Variants in SPOCK2 observed in about 807,000 individuals in gnomAD.
SPOCK2 encodes the protein SPARC (osteonectin), cwcv and kazal like domains proteoglycan 2.
Under a neutral mutation model 60.1 loss-of-function variants are expected in SPOCK2, and 39 were observed. That is an observed-to-expected ratio of 0.65 (90% confidence interval 0.50 to 0.85). SPOCK2 has a LOEUF of 0.85. Ranked by LOEUF, SPOCK2 falls within the 40% of genes least tolerant of loss-of-function variation. The pLI is 0.00. For missense variants in SPOCK2, 523 were observed against 567.4 expected, an observed-to-expected ratio of 0.92 and a Z score of 0.80; for synonymous variants, 217 against 231.5, an observed-to-expected ratio of 0.94 and a Z score of 0.57.
Position 72,088,389 on chromosome 10 carries a change from C to A in SPOCK2, c.-61G>T. 1 of 1,440,676 alleles carries A rather than the reference C, an allele frequency of 6.9e-7. No homozygotes were observed. The highest frequency in any genetic ancestry group is 1.5e-5 in the South Asian group (1 of 68,922). 89.2% of individuals were successfully genotyped at this position (1,440,676 alleles called of 1,614,324 possible). On this transcript the variant is annotated 5_prime_UTR_variant, in exon 1 of 11. Coordinates refer to ENST00000373109, the MANE Select transcript of SPOCK2 (RefSeq NM_001244950.2). ...CTGCAGTATTTTAATGTCCTTCCTC[C>A]CACCCCGCTGCTGGCGAAGCGCACG...
rs765038257 is a variant in SPOCK2 at position 72,067,066 on chromosome 10, G to T, written c.764C>A (p.Ser255Tyr). Residue 255 changes from serine (S) to tyrosine (Y), a missense_variant, in exon 8 of 11, where the codon TCC becomes TAC. Transcript: ENST00000373109. ...SCKDSIGWMF[S>Y]KLDTSADLFL... is the part of the protein sequence containing the mutation. ...GAGGTCAGCACTGGTGTCCAGCTTG[G>T]AGAACATCCAGCCAATGGAGTCCTT... 4 of 1,614,208 alleles carry T rather than the reference G, an allele frequency of 2.5e-6. No homozygotes were observed. The highest frequency in any genetic ancestry group is 3.4e-6 in the Non-Finnish European group (4 of 1,180,044).
At chr10:72,064,754 G>A (rs1260551991) in intron 8 of SPOCK2, among the ~76,000 whole-genome samples, 4 of 151,748 alleles carry the variant, frequency 2.6e-5, no homozygotes, top group East Asian at 1.9e-4. Flanking sequence ...TTTTTGAGAC[G>A]GAGTCTTGCT....
At chr10:72,086,667 A>T in intron 1 of SPOCK2, 1 of 1,272,324 alleles carries the variant, frequency 7.9e-7, no homozygotes, top group Non-Finnish European at 1.0e-6. Context: ...CTGCGGCTGG[A>T]CAGGTCGCAT....
intron 1 of SPOCK2, among the ~76,000 whole-genome samples, chr10:72,074,624 C>T (rs1240622194): frequency 2.0e-5 from 3 of 152,224 alleles, no homozygotes; most frequent in African/African-American, 4.8e-5. Context: ...ACTCTGTGAG[C>T]AGCCTCCAGT....
chr10:72,072,723 T>C (rs1174494482), intron 2 of SPOCK2, 175 bp from the exon 3 acceptor site: 1 of 1,332,934 alleles, frequency 7.5e-7, no homozygotes, highest in Admixed American at 2.0e-5. Context: ...CACACCTCTA[T>C]CCCTATAAAC....
intron 6 of SPOCK2, 110 bp from the exon 7 acceptor site, chr10:72,067,842 G>A (rs1840591858): frequency 4.0e-6 from 6 of 1,484,084 alleles, no homozygotes; most frequent in African/African-American, 1.4e-5. Flanking sequence ...GGGTCCGGGA[G>A]GCAGCAGCAG....
chr10:72,065,396 T>C (rs942766969), intron 8 of SPOCK2, among the ~76,000 whole-genome samples: 2 of 152,236 alleles, frequency 1.3e-5, no homozygotes, highest in Non-Finnish European at 2.9e-5. Flanking sequence ...GCCTGCAGTA[T>C]TCAGCACATA....
rs201921584 is a variant in SPOCK2 at position 72,064,220 on chromosome 10, G to A, written c.949C>T (p.Leu317=). The A allele has an allele frequency of 1.9e-6, 3 of 1,606,740 alleles. No homozygotes were observed. In the Admixed American group the frequency reaches 5.1e-5, roughly 27 times the overall value. ...WREKPPCLAE[L]ERIQIQEAAK... The stretch of plus-strand genomic sequence containing the variant: ...GCCTCCTGGATCTGGATGCGCTCCA[G>A]CTCTGCCAGGCAGGGGGGCTCTGTG... The change falls in exon 9 of 11, where the codon CTG becomes TTG. Residue 317 remains leucine, a synonymous_variant. Coordinates refer to ENST00000373109, the MANE Select transcript of SPOCK2 (RefSeq NM_001244950.2).
intron 1 of SPOCK2, chr10:72,086,974 G>A (rs1263584082): frequency 8.4e-6 from 13 of 1,551,540 alleles, no homozygotes; most frequent in African/African-American, 1.4e-5. Context: ...GTTGTACTGG[G>A]TGGGTCGGAC....
chr10:72,082,251 C>T (rs1292969662), intron 1 of SPOCK2, among the ~76,000 whole-genome samples: 2 of 152,240 alleles, frequency 1.3e-5, no homozygotes, highest in Non-Finnish European at 2.9e-5. Context: ...CAGAGGCTGG[C>T]ACACTTCAAG....
At position 72,088,344 on chromosome 10, in the gene SPOCK2, AC is replaced by A. The variant is rs539280424; in HGVS notation, c.-17del. 8.2e-4 allele frequency: 1,227 copies of A among 1,503,848 alleles called. 5 individuals are homozygous for A. The African/African-American group carries it at 0.024, about 29-fold the overall frequency. The allele number at this position is 1,503,848 out of a possible 1,614,324, so 93.2% of individuals were successfully genotyped here. ...GGGCGCGCATCGTGGTCTGGGTTCGACCTGGGGGGGTCTTGACTTCTGCAGT... is the reference window on the plus strand; with the variant it reads ...GGGCGCGCATCGTGGTCTGGGTTCGACTGGGGGGGTCTTGACTTCTGCAGT... On this transcript the variant is annotated 5_prime_UTR_variant, in exon 1 of 11. Coordinates refer to ENST00000373109, the MANE Select transcript of SPOCK2 (RefSeq NM_001244950.2).
chr10:72,069,560 C>T (rs1703060691), intron 5 of SPOCK2, among the ~76,000 whole-genome samples: 1 of 151,210 alleles, frequency 6.6e-6, no homozygotes, highest in African/African-American at 2.4e-5. Flanking sequence ...GCCTCGAACT[C>T]CTGGCATCCC....
chr10:72,074,516 A>T (rs554054378), intron 1 of SPOCK2, among the ~76,000 whole-genome samples: 3 of 152,364 alleles, frequency 2.0e-5, no homozygotes, highest in African/African-American at 7.2e-5. Context: ...ACATATGCAC[A>T]CACATGTGTA....
chr10:72,072,592 C>T, intron 2 of SPOCK2, 44 bp from the exon 3 acceptor site: 1 of 1,613,010 alleles, frequency 6.2e-7, no homozygotes, highest in Non-Finnish European at 8.5e-7. Flanking sequence ...AGGCTAAGAT[C>T]CATATCCCAG....
Position 72,087,103 on chromosome 10 carries a change from G to A in SPOCK2, c.189+1037C>T. The A allele has an allele frequency of 8.2e-7, 1 of 1,226,512 alleles. No homozygotes were observed. Among genetic ancestry groups the A allele is most frequent in the Non-Finnish European group, 1.1e-6 (1 of 894,096 alleles). 76.0% of individuals were successfully genotyped at this position (1,226,512 alleles called of 1,614,324 possible). ...CCGGCGTCGCCTCTGGCGCATCCGG[G>A]CCCATCCCCCACAGCACCCCCAACG... On this transcript the variant is annotated intron_variant, in intron 1 of 10. Transcript: ENST00000373109. The surrounding 1 kb of genome is among the most constrained non-coding windows in gnomAD (Gnocchi z 4.7).
At chr10:72,077,987 A>T (rs1163270084) in intron 1 of SPOCK2, among the ~76,000 whole-genome samples, 1 of 152,004 alleles carries the variant, frequency 6.6e-6, no homozygotes, top group Non-Finnish European at 1.5e-5. Flanking sequence ...CACAATTCTG[A>T]CCCGGTCTCT....
At chr10:72,063,307 C>G in intron 9 of SPOCK2, 145 bp from the exon 10 acceptor site, 1 of 1,222,048 alleles carries the variant, frequency 8.2e-7, no homozygotes, top group South Asian at 1.5e-5. Context: ...CCCAACAGGC[C>G]CAGATGCTGA....
At chr10:72,064,957 C>G (rs1248711232) in intron 8 of SPOCK2, among the ~76,000 whole-genome samples, 1 of 127,834 alleles carries the variant, frequency 7.8e-6, no homozygotes, top group African/African-American at 2.5e-5. Flanking sequence ...GTCTTGATCT[C>G]CTGACCTCAT....
chr10:72,067,155 G>A, intron 7 of SPOCK2, 35 bp from the exon 8 acceptor site: 1 of 1,586,600 alleles, frequency 6.3e-7, no homozygotes, highest in Middle Eastern at 2.0e-4. Flanking sequence ...CGCTTCATCT[G>A]GCTATTCAGC....
Sources: gnomAD v4.1 joint callset for allele counts (sites outside exome capture counted in the v4.1 genomes callset) on GRCh38, gnomAD v4.1.1 for gene constraint, Gnocchi (gnomAD v3.1) non-coding constraint, MANE v1.5 for transcripts, NCBI Gene and HGNC (gene_info 2026-07-23, HGNC 2026-07-21) for gene names.